FAM193A: variants seen among roughly 807,000 people sequenced by gnomAD.
FAM193A encodes protein FAM193A.
In FAM193A, 22 loss-of-function variants were observed where a neutral mutation model predicts 126.5. The observed-to-expected ratio is 0.17, with a 90% CI of 0.12 to 0.25. The LOEUF is 0.25. FAM193A is among the 10% of genes least tolerant of loss of function. The probability of loss-of-function intolerance (pLI) is 1.00; values close to 1 mark genes in which losing one functional copy is unlikely to be tolerated. For synonymous variants in FAM193A, 761 were observed against 646.8 expected, an observed-to-expected ratio of 1.18 and a Z score of -2.68; for missense variants, 1,675 against 1,672.8, an observed-to-expected ratio of 1.00 and a Z score of -0.02.
At chr4:2,568,200 A>T (rs1304673409) in intron 1 of FAM193A, among the ~76,000 whole-genome samples, 1 of 152,212 alleles carries the variant, frequency 6.6e-6, no homozygotes, top group Non-Finnish European at 1.5e-5. Context: ...AAAAAATATG[A>T]TGTTAGCTGT....
intron 1 of FAM193A, among the ~76,000 whole-genome samples, chr4:2,571,229 C>T (rs1739275983): frequency 1.3e-5 from 2 of 152,068 alleles, no homozygotes; most frequent in African/African-American, 4.8e-5. Flanking sequence ...TATGACAGGC[C>T]TTGTTGTGGG....
chr4:2,653,043 C>G (rs932372460), intron 7 of FAM193A, among the ~76,000 whole-genome samples: 2 of 152,160 alleles, frequency 1.3e-5, no homozygotes, highest in African/African-American at 2.4e-5. Flanking sequence ...CATCCTGCCC[C>G]TAAGAGCCTG....
intron 19 of FAM193A, among the ~76,000 whole-genome samples, chr4:2,707,578 CATA>C (rs1354923022): frequency 6.6e-6 from 1 of 151,888 alleles, no homozygotes; most frequent in Non-Finnish European, 1.5e-5. Flanking sequence ...ATGTTTAAAT[CATA>C]ATATTTTGGA....
intron 20 of FAM193A, among the ~76,000 whole-genome samples, chr4:2,721,262 G>A (rs1452527245): frequency 1.4e-5 from 2 of 142,254 alleles, no homozygotes; most frequent in Non-Finnish European, 3.0e-5. Context: ...GCAGTGAGCC[G>A]AGATTGCACC....
chr4:2,569,814 A>G (rs563544460), intron 1 of FAM193A, among the ~76,000 whole-genome samples: 82 of 152,312 alleles, frequency 5.4e-4, no homozygotes, highest in African/African-American at 1.9e-3. Flanking sequence ...TGCTAATTCC[A>G]TTAAAATAAA....
At chr4:2,580,336 G>T (rs1218252240) in intron 1 of FAM193A, among the ~76,000 whole-genome samples, 1 of 152,184 alleles carries the variant, frequency 6.6e-6, no homozygotes, top group African/African-American at 2.4e-5. Context: ...AAAGGGTGGA[G>T]GGTGGGAGGA....
At chr4:2,624,894 C>T (rs778804527) in intron 2 of FAM193A, among the ~76,000 whole-genome samples, 3 of 152,122 alleles carry the variant, frequency 2.0e-5, no homozygotes, top group Non-Finnish European at 4.4e-5. Flanking sequence ...ATGTCTCTGT[C>T]ACCCAGACAG....
At chr4:2,710,850 T>G (rs1425406020) in intron 19 of FAM193A, among the ~76,000 whole-genome samples, 10 of 112,792 alleles carry the variant, frequency 8.9e-5, no homozygotes, top group South Asian at 3.2e-4. Flanking sequence ...TTCTGTGCTT[T>G]CTTTTTTTTT....
intron 13 of FAM193A, among the ~76,000 whole-genome samples, chr4:2,675,671 T>C (rs1411579462): frequency 1.3e-5 from 2 of 152,222 alleles, no homozygotes; most frequent in African/African-American, 4.8e-5. Context: ...ATTTACAATC[T>C]TAACCATTTT....
At chr4:2,642,002 C>T (rs749319021) in intron 6 of FAM193A, among the ~76,000 whole-genome samples, 2 of 149,872 alleles carry the variant, frequency 1.3e-5, no homozygotes, top group Non-Finnish European at 3.0e-5. Flanking sequence ...TTTGGGAGGT[C>T]GAGGCGGGCC....
At chr4:2,566,089 C>T (rs1738928409) in intron 1 of FAM193A, among the ~76,000 whole-genome samples, 1 of 151,250 alleles carries the variant, frequency 6.6e-6, no homozygotes, top group South Asian at 2.1e-4. Context: ...GCTCTGTCGC[C>T]CAGACTGGAG....
intron 1 of FAM193A, among the ~76,000 whole-genome samples, chr4:2,552,096 C>G (rs1051860483): frequency 1.3e-5 from 2 of 149,696 alleles, no homozygotes; most frequent in Non-Finnish European, 3.0e-5. Flanking sequence ...ACTGCAAGCT[C>G]CGCCTCCTGG....
At chr4:2,566,051 C>CTTTTTT (rs564664549) in intron 1 of FAM193A, among the ~76,000 whole-genome samples, 5 of 142,674 alleles carry the variant, frequency 3.5e-5, no homozygotes, top group African/African-American at 1.0e-4. Context: ...TGGAAAATTG[C>CTTTTTT]TTTTTTTTTT....
At chr4:2,557,867 G>T (rs1032495643) in intron 1 of FAM193A, among the ~76,000 whole-genome samples, 1 of 151,942 alleles carries the variant, frequency 6.6e-6, no homozygotes, top group Non-Finnish European at 1.5e-5. Flanking sequence ...CAGAAGAATC[G>T]CTTGAACCCA....
At chr4:2,577,422 G>GTTTTTGTTTTTTT (rs1553888654) in intron 1 of FAM193A, among the ~76,000 whole-genome samples, 1 of 115,542 alleles carries the variant, frequency 8.7e-6, no homozygotes, top group South Asian at 3.0e-4. Flanking sequence ...TTTTTTTTTT[G>GTTTTTGTTTTTTT]TTTTTTTTTT....
chr4:2,639,572 A>G (rs1439162903), intron 5 of FAM193A, among the ~76,000 whole-genome samples, 163 bp from the exon 6 acceptor site: 5 of 139,396 alleles, frequency 3.6e-5, no homozygotes, highest in African/African-American at 1.1e-4. Context: ...CTTGAGACAT[A>G]CAGGGAGCAG....
chr4:2,589,095 T>C (rs1213985094), intron 1 of FAM193A, among the ~76,000 whole-genome samples: 2 of 152,230 alleles, frequency 1.3e-5, no homozygotes, highest in Non-Finnish European at 2.9e-5. Flanking sequence ...GGCTCAGATA[T>C]TTGTTTTCTT....
At chr4:2,590,979 A>G (rs1740537511) in intron 1 of FAM193A, among the ~76,000 whole-genome samples, 1 of 151,732 alleles carries the variant, frequency 6.6e-6, no homozygotes. Flanking sequence ...CTGAGCCGAG[A>G]TCGTGCCACT....
At chr4:2,697,716 G>C (rs1408748755) in intron 18 of FAM193A, among the ~76,000 whole-genome samples, 3 of 152,238 alleles carry the variant, frequency 2.0e-5, no homozygotes, top group African/African-American at 7.2e-5. Context: ...CAGTCCTACA[G>C]TAGATTTAGA....
Sources: gnomAD v4.1 joint callset for allele counts (sites outside exome capture counted in the v4.1 genomes callset) on GRCh38, gnomAD v4.1.1 for gene constraint, MANE v1.5 for transcripts, NCBI Gene and HGNC (gene_info 2026-07-23, HGNC 2026-07-21) for gene names.